Variants in CEP250 observed in about 807,000 individuals in gnomAD.
The protein encoded by CEP250 is centrosome-associated protein CEP250.
CEP250 carries 242 observed loss-of-function variants against 315.7 expected under a neutral mutation model. The observed-to-expected ratio is 0.77, with a 90% confidence interval of 0.69 to 0.85. The LOEUF is 0.85. Among genes scored for constraint, CEP250 ranks in the 40% least tolerant of loss-of-function variants. The pLI is 0.00. For synonymous variants in CEP250, 1,088 were observed against 1,175.0 expected, an observed-to-expected ratio of 0.93 and a Z score of 1.51; for missense variants, 2,515 against 2,886.4, an observed-to-expected ratio of 0.87 and a Z score of 2.95.
intron 30 of CEP250, among the ~76,000 whole-genome samples, chr20:35,506,743 G>A (rs755398119): frequency 3.3e-5 from 5 of 152,128 alleles, no homozygotes; most frequent in South Asian, 2.1e-4. Flanking sequence ...GTGTAACCCC[G>A]GGTGAATGCC....
In CEP250 at chr20:35,504,065, A is replaced by G. The variant is rs544616999; in HGVS notation, c.5696A>G (p.Gln1899Arg). The G allele has an allele frequency of 6.2e-7, 1 of 1,606,382 alleles. No individual in the cohort carries two copies. Among genetic ancestry groups the G allele is most frequent in the South Asian group, 1.1e-5 (1 of 90,392 alleles). The change falls in exon 30 of 35, where the codon CAG becomes CGG. Residue 1899 changes from glutamine (Q) to arginine (R), a missense_variant. Physicochemically the swap from Gln to Arg is conservative, Grantham distance 43. Coordinates refer to ENST00000397527, the MANE Select transcript of CEP250 (RefSeq NM_007186.6). ...GACCTAAGGGCTGAGTCTCGGGAACAGGAGAAAGCTCTGTTGGCCCTCCAG... is the reference window on the plus strand; with the variant it reads ...GACCTAAGGGCTGAGTCTCGGGAACGGGAGAAAGCTCTGTTGGCCCTCCAG... The part of the protein sequence containing the change: ...LGDLRAESRE[Q>R]EKALLALQQQ...
At chr20:35,460,796 A>G (rs180981050) in intron 3 of CEP250, among the ~76,000 whole-genome samples, 1 of 152,368 alleles carries the variant, frequency 6.6e-6, no homozygotes, top group East Asian at 1.9e-4. Flanking sequence ...CTGATTTGTC[A>G]TCTCTGGCTT....
rs546676577 is a variant in CEP250 at position 35,473,388 on chromosome 20, G to C, written c.1224G>C (p.Gln408His). 6.2e-7 allele frequency: 1 copy of C among 1,613,550 alleles called. No individual in the cohort carries two copies. Among genetic ancestry groups the C allele is most frequent in the South Asian group, 1.1e-5 (1 of 90,982 alleles). Residue 408 changes from glutamine to histidine, a missense_variant, in exon 13 of 35, where the codon CAG becomes CAC. Transcript: ENST00000397527. The stretch of plus-strand genomic sequence containing the variant: ...TCTCTCCACAGGACCTAAGGCAGCA[G>C]CTTGCAGGCTGTCAAGAGGCTGTGA... ...RRQAVQDLRQ[Q>H]LAGCQEAVNL...
chr20:35,503,408 TC>T lies in CEP250; in HGVS notation c.5041del (p.Leu1681TrpfsTer12). 3.7e-6 allele frequency: 6 copies of T among 1,613,844 alleles called. No homozygotes were observed. The highest frequency in any genetic ancestry group is 5.1e-6 in the Non-Finnish European group (6 of 1,179,972). Reference sequence around the variant, plus strand: ...GATCAGAGGACCCGGCAGACCAAGATCCTGGAGGAGGACCTGGAACAGATCA... The same window carrying T: ...GATCAGAGGACCCGGCAGACCAAGATCTGGAGGAGGACCTGGAACAGATCA... The part of the protein sequence containing the change: ...LEDQRTRQTK[I>X]LEEDLEQIKL... On this transcript the variant is annotated frameshift_variant, in exon 30 of 35. Transcript: ENST00000397527. LOFTEE classifies it high-confidence loss of function. This position sits in a 1 kb window ranked among gnomAD's most constrained non-coding sequence, Gnocchi z 4.2.
Position 35,473,439 on chromosome 20 carries a change from G to C in CEP250, c.1275G>C (p.Gln425His). ...AVNLLQQQHD[Q>H]WEEEGKALRQ... ...ACTTGTTGCAACAGCAGCATGATCAGTGGGAGGAAGAGGGCAAAGCCTTGA... is the reference window on the plus strand; with the variant it reads ...ACTTGTTGCAACAGCAGCATGATCACTGGGAGGAAGAGGGCAAAGCCTTGA... Residue 425 changes from glutamine to histidine, a missense_variant, in exon 13 of 35, where the codon CAG becomes CAC. By Grantham distance (24) the Gln-to-His change is conservative (BLOSUM62 0). Coordinates refer to ENST00000397527, the MANE Select transcript of CEP250 (RefSeq NM_007186.6). The C allele has an allele frequency of 6.2e-7, 1 of 1,614,228 alleles. No homozygotes were observed. The highest frequency in any genetic ancestry group is 8.5e-7 in the Non-Finnish European group (1 of 1,180,046).
At chr20:35,466,543 G>A (rs2062882142) in intron 7 of CEP250, among the ~76,000 whole-genome samples, 1 of 152,140 alleles carries the variant, frequency 6.6e-6, no homozygotes, top group Non-Finnish European at 1.5e-5. Context: ...TGCTAAGGAG[G>A]TAGATATGAA....
rs1218571849 is a variant in CEP250 at position 35,511,799 on chromosome 20, A to C, written c.*173A>C. The C allele has an allele frequency of 5.7e-6, 8 of 1,412,420 alleles. No individual in the cohort carries two copies. In the African/African-American group the frequency reaches 5.8e-5, roughly 10 times the overall value. The allele number at this position is 1,412,420 out of a possible 1,614,324, so 87.5% of individuals were successfully genotyped here. A position where few individuals can be genotyped will look rare whatever the true frequency, so the allele number is the denominator to read the frequency against. Reference sequence around the variant, plus strand: ...ATCTGCAACCCTGGGGAGGACCCCAACTCACCTGGGAATGAGGCAAATTGC... The same window carrying C: ...ATCTGCAACCCTGGGGAGGACCCCACCTCACCTGGGAATGAGGCAAATTGC... On this transcript the variant is annotated 3_prime_UTR_variant, in exon 35 of 35. Transcript: ENST00000397527.
chr20:35,460,967 C>T (rs954658570), intron 3 of CEP250, among the ~76,000 whole-genome samples: 1 of 152,144 alleles, frequency 6.6e-6, no homozygotes, highest in African/African-American at 2.4e-5. Flanking sequence ...GAGTAGACAT[C>T]AGAACATATG....
In CEP250 at chr20:35,474,741, C is replaced by G. The variant is rs905492568; in HGVS notation, c.1571+689C>G. The G allele has an allele frequency of 6.4e-6, 3 of 467,386 alleles. No homozygotes were observed. In the East Asian group the frequency reaches 2.1e-4, roughly 33 times the overall value. The allele number at this position is 467,386 out of a possible 1,614,324, so 29.0% of individuals were successfully genotyped here. On this transcript the variant is annotated intron_variant, in intron 14 of 34. Coordinates refer to ENST00000397527, the MANE Select transcript of CEP250 (RefSeq NM_007186.6). The stretch of plus-strand genomic sequence containing the variant: ...GGCAGAAGCTTAGTTTAAATTATGG[C>G]TCTGTCACATGGACAGATTATTTGT...
At chr20:35,459,515 C>T (rs1259584776) in intron 2 of CEP250, among the ~76,000 whole-genome samples, 1 of 151,900 alleles carries the variant, frequency 6.6e-6, no homozygotes, top group Non-Finnish European at 1.5e-5. Flanking sequence ...GGCTTGGTGG[C>T]TCACACCTAT....
Position 35,469,992 on chromosome 20 carries a change from T to G in CEP250, c.948+6T>G, listed in dbSNP as rs2062984834. 1.3e-6 allele frequency: 2 copies of G among 1,598,704 alleles called. No individual in the cohort carries two copies. The highest frequency in any genetic ancestry group is 3.3e-5 in the Admixed American group (2 of 59,982). ...GAGAGACAGTGGAGATCCTGGTACA[T>G]GATCCTTTGCTCTGGAAAGGAGTTG... On this transcript the variant is annotated splice_donor_region_variant and intron_variant, in intron 10 of 34. Transcript: ENST00000397527.
At chr20:35,492,045 T>G (rs1460768112) in intron 22 of CEP250, among the ~76,000 whole-genome samples, 2 of 151,938 alleles carry the variant, frequency 1.3e-5, no homozygotes, top group Non-Finnish European at 2.9e-5. Context: ...TTGTGATAAG[T>G]GCTGTAAAGG....
chr20:35,490,140 C>T (rs1304159480), intron 20 of CEP250, among the ~76,000 whole-genome samples: 1 of 152,124 alleles, frequency 6.6e-6, no homozygotes, highest in Non-Finnish European at 1.5e-5. Context: ...TGTTGAAACC[C>T]CATCTCTACT....
At position 35,463,563 on chromosome 20, in the gene CEP250, T is replaced by C; in HGVS notation, c.187-12T>C. The C allele has an allele frequency of 6.2e-7, 1 of 1,602,602 alleles. No individual in the cohort carries two copies. Among genetic ancestry groups the C allele is most frequent in the Non-Finnish European group, 8.5e-7 (1 of 1,174,938 alleles). ...TGTGTTCATTGCCCAGGGCCTGTTC[T>C]TTTTGCTGCAGGTGCTGCAGTACCG... On this transcript the variant is annotated splice_polypyrimidine_tract_variant and intron_variant, in intron 4 of 34. Transcript: ENST00000397527.
At chr20:35,509,304 C>G (rs1344274923) in intron 33 of CEP250, among the ~76,000 whole-genome samples, 1 of 152,196 alleles carries the variant, frequency 6.6e-6, no homozygotes, top group Non-Finnish European at 1.5e-5. Context: ...ACCAGTGCCA[C>G]AGGCTGGCCC....
intron 5 of CEP250, among the ~76,000 whole-genome samples, 165 bp downstream of exon 5, chr20:35,463,796 C>G (rs902009801): frequency 6.6e-6 from 1 of 152,220 alleles, no homozygotes; most frequent in Non-Finnish European, 1.5e-5. Context: ...TTCATTGGAC[C>G]TAGCTGGCCT....
Position 35,497,832 on chromosome 20 carries a change from C to A in CEP250, c.3420C>A (p.Ala1140=), listed in dbSNP as rs781308892. ...ATATCACGGAGCAGCAGCTGCGAGCCTCCTTGTGGGCCCAGGAAGCCAAGG... is the reference window on the plus strand; with the variant it reads ...ATATCACGGAGCAGCAGCTGCGAGCATCCTTGTGGGCCCAGGAAGCCAAGG... The part of the protein sequence containing the change: ...ASHITEQQLR[A]SLWAQEAKAA... Residue 1140 remains alanine, a synonymous_variant, in exon 26 of 35, where the codon GCC becomes GCA. Transcript: ENST00000397527. 2.5e-6 allele frequency: 4 copies of A among 1,576,696 alleles called. No individual in the cohort carries two copies. In the South Asian group the frequency reaches 3.5e-5, roughly 14 times the overall value.
intron 20 of CEP250, among the ~76,000 whole-genome samples, chr20:35,488,475 A>T (rs2063584480): frequency 6.6e-6 from 1 of 152,016 alleles, no homozygotes; most frequent in Non-Finnish European, 1.5e-5. Context: ...TTCTTTTGAG[A>T]CAGGGTCTTG....
At position 35,468,175 on chromosome 20, in the gene CEP250, C is replaced by G. The variant is rs140214350; in HGVS notation, c.851+620C>G. Among the ~76,000 whole-genome samples, 576 of 152,222 alleles carry G rather than the reference C, an allele frequency of 3.8e-3. 4 individuals are homozygous for G. The highest frequency in any genetic ancestry group is 6.8e-3 in the Middle Eastern group (2 of 294). On this transcript the variant is annotated intron_variant, in intron 9 of 34. Transcript: ENST00000397527. ...TGTTGGTCAGGCTGGTCTCAAACTC[C>G]TGACCTCAAGTGATCCACCTGCCTC... is the stretch of plus-strand genomic sequence containing the variant.
Sources: allele counts gnomAD v4.1 joint callset (sites outside exome capture counted in the v4.1 genomes callset), GRCh38; gene constraint gnomAD v4.1.1; non-coding constraint Gnocchi (gnomAD v3.1); transcripts MANE v1.5; gene names NCBI Gene and HGNC (gene_info 2026-07-23, HGNC 2026-07-21).